Variants in ANKRD42 observed in about 807,000 individuals in gnomAD.
ANKRD42 encodes ankyrin repeat domain-containing protein 42.
Under a neutral mutation model 51.5 loss-of-function variants are expected in ANKRD42, and 43 were observed. That is an observed-to-expected ratio of 0.83 (90% CI 0.65 to 1.08). The LOEUF (loss-of-function observed/expected upper bound fraction) is 1.08. ANKRD42 is among the 50% of genes least tolerant of loss of function. ANKRD42 has a pLI of 0.00. For missense variants in ANKRD42, 608 were observed against 629.3 expected (o/e 0.97, Z 0.36); for synonymous variants, 203 against 213.0 (o/e 0.95, Z 0.41).
At chr11:83,214,138 C>G (rs936464318) in intron 5 of ANKRD42, 1 of 152,304 alleles carries the variant, frequency 6.6e-6, no homozygotes, top group Non-Finnish European at 1.5e-5. Context: ...ATCCACCCAC[C>G]TCGGCCTCCC....
chr11:83,224,013 T>C (rs1002418984), intron 5 of ANKRD42, among the ~76,000 whole-genome samples: 2 of 152,010 alleles, frequency 1.3e-5, no homozygotes, highest in Non-Finnish European at 2.9e-5. Context: ...TATACTTTCT[T>C]TCAGGGATTC....
At chr11:83,201,299 TTCA>T (rs1405586631) in intron 2 of ANKRD42, among the ~76,000 whole-genome samples, 1 of 152,232 alleles carries the variant, frequency 6.6e-6, no homozygotes, top group African/African-American at 2.4e-5. Flanking sequence ...GGTTTCCAGC[TTCA>T]TCCATGGCCC....
chr11:83,255,772 C>A lies in ANKRD42; in HGVS notation c.1465-73C>A, dbSNP rs1181906170. 16 of 1,137,402 alleles carry A rather than the reference C, an allele frequency of 1.4e-5. No homozygotes were observed. In the East Asian group the frequency reaches 3.4e-4, roughly 24 times the overall value. The allele number at this position is 1,137,402 out of a possible 1,614,324, so 70.5% of individuals were successfully genotyped here. On this transcript the variant is annotated intron_variant, in intron 11 of 11. Coordinates refer to the ANKRD42 transcript ENST00000260047. The stretch of plus-strand genomic sequence containing the variant: ...ATGGTTAATTTTTTTTTCTTTTGAA[C>A]AGGCAATGTAGAAAGACGAAAATGT...
At chr11:83,257,058 CT>C (rs1214504445), downstream of ANKRD42, among the ~76,000 whole-genome samples, 1 of 152,052 alleles carries the variant, frequency 6.6e-6, no homozygotes, top group African/African-American at 2.4e-5. Context: ...CACAGAAGAA[CT>C]AAAAATAGTG....
At chr11:83,225,165 C>A in intron 6 of ANKRD42, 110 bp downstream of exon 6, 2 of 846,046 alleles carry the variant, frequency 2.4e-6, no homozygotes, top group African/African-American at 1.7e-5. Flanking sequence ...ATGTTATATA[C>A]GTTATATGTA....
At position 83,240,925 on chromosome 11, in the gene ANKRD42, G is replaced by A. The variant is rs558595725; in HGVS notation, c.1186G>A (p.Asp396Asn). 1 of 1,610,522 alleles carries A rather than the reference G, an allele frequency of 6.2e-7. No individual in the cohort carries two copies. Among genetic ancestry groups the A allele is most frequent in the Non-Finnish European group, 8.5e-7 (1 of 1,178,088 alleles). Residue 396 changes from aspartate to asparagine, a missense_variant, in exon 9 of 11, where the codon GAT (aspartate) becomes AAT (asparagine). Transcript: ENST00000533342. ...DLCLSDLDKT[D>N]ARMRAYKKIV... The stretch of plus-strand genomic sequence containing the variant: ...ATGTCTGAGTGACTTGGATAAAACA[G>A]ATGCCAGAAGTAAGTATGCTGCCTC...
At chr11:83,203,266 C>A (rs1861941197) in intron 2 of ANKRD42, among the ~76,000 whole-genome samples, 1 of 152,058 alleles carries the variant, frequency 6.6e-6, no homozygotes, top group Admixed American at 6.5e-5. Context: ...ATAGGGATTA[C>A]AGGTGTGAGC....
intron 1 of ANKRD42, among the ~76,000 whole-genome samples, chr11:83,197,702 C>G (rs981198697): frequency 5.3e-5 from 8 of 152,236 alleles, no homozygotes; most frequent in African/African-American, 1.7e-4. Context: ...GCTTAGATAC[C>G]TTTATTGCCT....
At chr11:83,230,299 G>T (rs995327605) in intron 7 of ANKRD42, among the ~76,000 whole-genome samples, 7 of 151,944 alleles carry the variant, frequency 4.6e-5, no homozygotes, top group African/African-American at 1.7e-4. Context: ...TGATCCATCC[G>T]CCTTGGTCTT....
chr11:83,197,913 A>C (rs1016281017), intron 1 of ANKRD42, among the ~76,000 whole-genome samples: 4 of 152,200 alleles, frequency 2.6e-5, no homozygotes, highest in Non-Finnish European at 4.4e-5. Context: ...GTTATGGAGA[A>C]CAACACATGG....
chr11:83,255,696 T>A, intron 11 of ANKRD42: 3 of 585,954 alleles, frequency 5.1e-6, no homozygotes, highest in Non-Finnish European at 5.8e-6. Context: ...ATTTGGGAAT[T>A]TATTCACATA....
At chr11:83,252,214 T>C (rs149022021), downstream of ANKRD42, among the ~76,000 whole-genome samples, 1 of 152,258 alleles carries the variant, frequency 6.6e-6, no homozygotes, top group African/African-American at 2.4e-5. Flanking sequence ...GATACCAATA[T>C]ATACCCATCA....
chr11:83,245,317 C>A (rs1863510916), intron 9 of ANKRD42, among the ~76,000 whole-genome samples, 181 bp from the exon 10 acceptor site: 1 of 152,186 alleles, frequency 6.6e-6, no homozygotes, highest in South Asian at 2.1e-4. Flanking sequence ...ATTGCGTGCT[C>A]ATTTTAGTAT....
intron 3 of ANKRD42, chr11:83,209,531 A>C (rs990791596): frequency 9.7e-7 from 1 of 1,030,220 alleles, no homozygotes; most frequent in African/African-American, 1.6e-5. Context: ...TGAATGGAGG[A>C]ATCTTGGCGT....
chr11:83,201,302 A>C (rs926913724), intron 2 of ANKRD42, among the ~76,000 whole-genome samples: 1 of 152,174 alleles, frequency 6.6e-6, no homozygotes, highest in East Asian at 1.9e-4. Context: ...TTCCAGCTTC[A>C]TCCATGGCCC....
At chr11:83,219,662 G>A (rs964136309) in intron 5 of ANKRD42, among the ~76,000 whole-genome samples, 1 of 152,172 alleles carries the variant, frequency 6.6e-6, no homozygotes, top group South Asian at 2.1e-4. Flanking sequence ...TTGAATGGTC[G>A]AAACAACAAT....
downstream of ANKRD42, chr11:83,259,476 T>C (rs1863838301): frequency 6.6e-6 from 1 of 152,218 alleles, no homozygotes; most frequent in African/African-American, 2.4e-5. Flanking sequence ...CGCAGATCTA[T>C]TTAATATTTA....
intron 5 of ANKRD42, among the ~76,000 whole-genome samples, chr11:83,215,824 C>G (rs1217540192): frequency 6.6e-6 from 1 of 152,068 alleles, no homozygotes; most frequent in Non-Finnish European, 1.5e-5. Context: ...CAGATGGAGT[C>G]TTGCTCTGCT....
intron 10 of ANKRD42, among the ~76,000 whole-genome samples, chr11:83,246,488 G>A (rs973007536): frequency 6.6e-6 from 1 of 152,134 alleles, no homozygotes; most frequent in Non-Finnish European, 1.5e-5. Context: ...AGGATGCCTC[G>A]AGCTTCTTTC....
Sources: gnomAD v4.1 joint callset for allele counts (sites outside exome capture counted in the v4.1 genomes callset) on GRCh38, gnomAD v4.1.1 for gene constraint, MANE v1.5 for transcripts, NCBI Gene and HGNC (gene_info 2026-07-23, HGNC 2026-07-21) for gene names.